CEACAM21: variants seen among roughly 807,000 people sequenced by gnomAD.
CEACAM21 encodes the protein CEA cell adhesion molecule 21.
CEACAM21 carries 38 observed loss-of-function variants against 33.2 expected under a neutral mutation model. The observed-to-expected ratio is 1.14, with a 90% CI of 0.88 to 1.50. The LOEUF (loss-of-function observed/expected upper bound fraction) is 1.50. CEACAM21 is among the 40% of genes most tolerant of loss of function. The pLI, the probability that CEACAM21 is intolerant of heterozygous loss-of-function variation, is 0.00. For missense variants in CEACAM21, 385 were observed against 364.6 expected (o/e 1.06, Z -0.46); for synonymous variants, 156 against 143.0 (o/e 1.09, Z -0.65).
intron 3 of CEACAM21, among the ~76,000 whole-genome samples, chr19:41,583,021 A>G (rs782660690): frequency 1.3e-4 from 20 of 152,198 alleles, no homozygotes; most frequent in African/African-American, 4.6e-4. Flanking sequence ...TTTTAAACAT[A>G]AGTTCCAATT....
At chr19:41,580,217 C>T (rs781821702) in intron 3 of CEACAM21, among the ~76,000 whole-genome samples, 20 of 152,048 alleles carry the variant, frequency 1.3e-4, no homozygotes, top group African/African-American at 4.6e-4. Context: ...TGGGATTCCA[C>T]CCTGTTTGGA....
At position 41,562,375 on chromosome 19, in the gene CEACAM21, A is replaced by G. The variant is rs567912480; in HGVS notation, c.-778-2307A>G. Among the ~76,000 whole-genome samples, 6 of 152,336 alleles carry G rather than the reference A, an allele frequency of 3.9e-5. No homozygotes were observed. In the East Asian group the frequency reaches 7.7e-4, roughly 20 times the overall value. On this transcript the variant is annotated intron_variant, in intron 1 of 7. Coordinates refer to the CEACAM21 transcript ENST00000407170. ...GTGCAGCACATACAGTTGACAAAGA[A>G]TCTGTGTCCAGAATATGTAAATAAC...
At chr19:41,586,210 C>T (rs1555795424) in intron 6 of CEACAM21, 12 of 557,436 alleles carry the variant, frequency 2.2e-5, no homozygotes, top group Non-Finnish European at 3.9e-5. Context: ...GTGGGGGCCA[C>T]AGATATTCTG....
intron 1 of CEACAM21, among the ~76,000 whole-genome samples, chr19:41,555,932 A>G (rs1475644123): frequency 6.6e-6 from 1 of 152,188 alleles, no homozygotes; most frequent in African/African-American, 2.4e-5. Context: ...TGCACTCACA[A>G]AGGACGTGTC....
chr19:41,585,955 C>A, intron 6 of CEACAM21, 84 bp downstream of exon 6: 1 of 1,371,566 alleles, frequency 7.3e-7, no homozygotes, highest in Non-Finnish European at 1.0e-6. Flanking sequence ...ATCCCCAGCA[C>A]AAACCCACCC....
chr19:41,550,795 A>G (rs1461478977), intron 1 of CEACAM21: 3 of 152,170 alleles, frequency 2.0e-5, no homozygotes, highest in Non-Finnish European at 4.4e-5. Flanking sequence ...ACAAAGAATA[A>G]TAATAATAAC....
At chr19:41,576,985 A>T (rs1216947301) in intron 1 of CEACAM21, among the ~76,000 whole-genome samples, 3 of 152,154 alleles carry the variant, frequency 2.0e-5, no homozygotes, top group Admixed American at 2.0e-4. Flanking sequence ...GGAGGGAACC[A>T]TGCAGACCCC....
intron 1 of CEACAM21, among the ~76,000 whole-genome samples, chr19:41,560,268 G>A (rs137867021): frequency 2.0e-5 from 3 of 151,978 alleles, no homozygotes; most frequent in African/African-American, 4.8e-5. Flanking sequence ...TGTCATCCAG[G>A]CTGGAGTACA....
chr19:41,585,625 C>A (rs953269683), intron 5 of CEACAM21, 130 bp downstream of exon 5: 73 of 1,162,920 alleles, frequency 6.3e-5, no homozygotes, highest in Non-Finnish European at 9.0e-5. Context: ...CATAAAACAT[C>A]ACACAGGAAA....
At chr19:41,570,532 A>G (rs2042534263) in intron 2 of CEACAM21, among the ~76,000 whole-genome samples, 2 of 152,174 alleles carry the variant, frequency 1.3e-5, no homozygotes, top group African/African-American at 4.8e-5. Flanking sequence ...GTCCCCACAG[A>G]CAACTCAGCA....
chr19:41,578,714 T>C (rs1296548814), intron 2 of CEACAM21, among the ~76,000 whole-genome samples: 1 of 152,200 alleles, frequency 6.6e-6, no homozygotes, highest in African/African-American at 2.4e-5. Flanking sequence ...TCAGACTCAA[T>C]GCCAGGATTG....
intron 2 of CEACAM21, among the ~76,000 whole-genome samples, chr19:41,578,822 G>C (rs532718619): frequency 1.6e-4 from 24 of 152,266 alleles, no homozygotes; most frequent in African/African-American, 5.1e-4. Context: ...GAGGATGAAG[G>C]AAAGGACTCA....
intron 1 of CEACAM21, among the ~76,000 whole-genome samples, chr19:41,549,951 C>T (rs1300038112): frequency 1.3e-5 from 2 of 152,022 alleles, no homozygotes; most frequent in East Asian, 3.8e-4. Flanking sequence ...AGTCCATTGT[C>T]GTTGAATTCT....
At chr19:41,585,725 C>G in intron 5 of CEACAM21, 115 bp from the exon 6 acceptor site, 1 of 1,206,124 alleles carries the variant, frequency 8.3e-7, no homozygotes, top group Middle Eastern at 1.9e-4. Flanking sequence ...CCTAAAATAA[C>G]CTGAGAAAGG....
intron 2 of CEACAM21, among the ~76,000 whole-genome samples, chr19:41,567,711 A>G (rs2042352791): frequency 6.6e-6 from 1 of 152,130 alleles, no homozygotes; most frequent in African/African-American, 2.4e-5. Context: ...AGAAAAAGAG[A>G]CTGTGCTAGC....
chr19:41,577,550 C>T lies in CEACAM21; in HGVS notation c.415C>T (p.Arg139Cys), dbSNP rs782767735. 3.1e-6 allele frequency: 5 copies of T among 1,613,606 alleles called. No homozygotes were observed. In the Admixed American group the frequency reaches 5.0e-5, roughly 16 times the overall value. ...SQIEQASHHLRVYESVAQPSI... is the reference protein window; with the variant it reads ...SQIEQASHHLCVYESVAQPSI... The stretch of plus-strand genomic sequence containing the variant: ...GATTGAACAGGCATCTCACCATCTC[C>T]GTGTATACGGTGAGTGATTCCTCCG... Residue 139 changes from arginine to cysteine, a missense_variant, in exon 2 of 7, where the codon CGT becomes TGT. Transcript: ENST00000401445.
At chr19:41,579,230 C>T (rs1555792337) in intron 2 of CEACAM21, 123 bp from the exon 3 acceptor site, 6 of 1,519,932 alleles carry the variant, frequency 3.9e-6, no homozygotes. Flanking sequence ...CTGGTTCTCT[C>T]TGCTCCTCCC....
chr19:41,576,527 G>A (rs782200830), intron 1 of CEACAM21, among the ~76,000 whole-genome samples, 189 bp downstream of exon 1: 1 of 152,210 alleles, frequency 6.6e-6, no homozygotes, highest in Non-Finnish European at 1.5e-5. Context: ...AATCTCAGTT[G>A]GTCCATGTTT....
At chr19:41,578,710 T>G (rs2043140315) in intron 2 of CEACAM21, among the ~76,000 whole-genome samples, 1 of 152,188 alleles carries the variant, frequency 6.6e-6, no homozygotes, top group Non-Finnish European at 1.5e-5. Context: ...ACTATCAGAC[T>G]CAATGCCAGG....
Sources: gnomAD v4.1 joint callset for allele counts (sites outside exome capture counted in the v4.1 genomes callset) on GRCh38, gnomAD v4.1.1 for gene constraint, MANE v1.5 for transcripts, NCBI Gene and HGNC (gene_info 2026-07-23, HGNC 2026-07-21) for gene names.